CCDC171: variants seen among roughly 807,000 people sequenced by gnomAD.
CCDC171 encodes the protein coiled-coil domain containing 171.
CCDC171 carries 177 observed loss-of-function variants against 168.2 expected under a neutral mutation model. The ratio of observed to expected loss-of-function variants is 1.05; its 90% CI spans 0.93 to 1.19. CCDC171 has a LOEUF of 1.19. Ranked by LOEUF, CCDC171 falls within the 50% of genes most tolerant of loss-of-function variation. The pLI, the probability that CCDC171 is intolerant of heterozygous loss-of-function variation, is 0.00. For synonymous variants in CCDC171, 687 were observed against 540.8 expected (o/e 1.27, Z -3.75); for missense variants, 1,991 against 1,539.0 (o/e 1.29, Z -4.91).
At chr9:16,106,665 CTA>C in the CCDC171 span, among the ~76,000 whole-genome samples, 2 of 152,188 alleles carry the variant, frequency 1.3e-5, no homozygotes, top group African/African-American at 2.4e-5. Flanking sequence ...GATCTTCCGC[CTA>C]ACAAGGGATT....
At chr9:16,082,281 A>C in the CCDC171 span, among the ~76,000 whole-genome samples, 58 of 152,334 alleles carry the variant, frequency 3.8e-4, no homozygotes, top group African/African-American at 1.4e-3. Flanking sequence ...TATGCTATAA[A>C]ATGATTATTT....
chr9:15,763,532 G>A (rs1318897331), intron 18 of CCDC171, among the ~76,000 whole-genome samples: 1 of 152,138 alleles, frequency 6.6e-6, no homozygotes, highest in Admixed American at 6.5e-5. Context: ...ATCAGGTGTG[G>A]TCTGGGGCCA....
intron 21 of CCDC171, among the ~76,000 whole-genome samples, chr9:15,841,535 T>C (rs1222773309): frequency 3.3e-5 from 5 of 152,010 alleles, no homozygotes; most frequent in African/African-American, 1.2e-4. Context: ...TTTATAAATA[T>C]GTCACCTACT....
chr9:15,861,972 T>G (rs1002558784), intron 23 of CCDC171, among the ~76,000 whole-genome samples: 4 of 151,978 alleles, frequency 2.6e-5, no homozygotes, highest in African/African-American at 9.7e-5. Flanking sequence ...TTTTTATGTT[T>G]CCTTCATTTT....
intron 9 of CCDC171, among the ~76,000 whole-genome samples, chr9:15,673,600 G>T (rs1177939274): frequency 6.6e-6 from 1 of 152,172 alleles, no homozygotes; most frequent in African/African-American, 2.4e-5. Flanking sequence ...CATCTATTGA[G>T]ATAATCATGT....
chr9:15,872,506 C>G (rs979844152), intron 23 of CCDC171, among the ~76,000 whole-genome samples: 1 of 151,976 alleles, frequency 6.6e-6, no homozygotes, highest in Non-Finnish European at 1.5e-5. Context: ...TTTTTCCCCT[C>G]TCTTTGCCCG....
intron 4 of CCDC171, among the ~76,000 whole-genome samples, chr9:15,584,498 C>G (rs1485321211): frequency 6.6e-6 from 1 of 152,104 alleles, no homozygotes; most frequent in African/African-American, 2.4e-5. Context: ...GTATATGTTC[C>G]AATGTAATAA....
intron 16 of CCDC171, among the ~76,000 whole-genome samples, chr9:15,735,573 A>G (rs1168681083): frequency 1.3e-5 from 2 of 152,220 alleles, no homozygotes; most frequent in African/African-American, 2.4e-5. Flanking sequence ...CAGGTTCATC[A>G]TGCTATATTG....
rs561668249 is a variant in CCDC171, at chr9:15,665,969, C to A, written c.916-194C>A. On this transcript the variant is annotated intron_variant, in intron 8 of 25. Transcript: ENST00000380701. ...ACAGTTAACTCTTCATTCTTCTACT[C>A]TTTCTCCTTTCATTTAAACATATTG... Among the ~76,000 whole-genome samples the A allele has an allele frequency of 2.6e-5, 4 of 152,240 alleles. No homozygotes were observed. In the South Asian group the frequency reaches 6.2e-4, roughly 24 times the overall value.
chr9:15,829,677 T>G (rs2136219372), intron 21 of CCDC171, among the ~76,000 whole-genome samples: 1 of 152,280 alleles, frequency 6.6e-6, no homozygotes, highest in African/African-American at 2.4e-5. Flanking sequence ...CCCAGCACTT[T>G]GGGAGGCCGA....
At chr9:15,903,284 G>C (rs1319543596) in intron 24 of CCDC171, among the ~76,000 whole-genome samples, 2 of 152,154 alleles carry the variant, frequency 1.3e-5, no homozygotes, top group African/African-American at 4.8e-5. Context: ...CACCCCCCTA[G>C]TAGGGGCAGA....
At chr9:15,749,496 C>T (rs2055561824) in intron 18 of CCDC171, among the ~76,000 whole-genome samples, 1 of 152,160 alleles carries the variant, frequency 6.6e-6, no homozygotes, top group South Asian at 2.1e-4. Context: ...CAGAACTCTC[C>T]ACCCCAAATC....
chr9:15,797,853 C>T (rs2135728029), intron 21 of CCDC171, among the ~76,000 whole-genome samples: 1 of 152,042 alleles, frequency 6.6e-6, no homozygotes, highest in South Asian at 2.1e-4. Flanking sequence ...ATTTTCTTTC[C>T]AAATAAATAT....
intron 6 of CCDC171, among the ~76,000 whole-genome samples, chr9:15,606,647 C>T (rs559752460): frequency 3.3e-5 from 5 of 152,226 alleles, no homozygotes; most frequent in South Asian, 4.1e-4. Context: ...AGAATTGGAA[C>T]GGAACTGTAT....
At chr9:15,995,886 A>C (rs979751617) in intron 3 of CCDC171, among the ~76,000 whole-genome samples, 1 of 151,952 alleles carries the variant, frequency 6.6e-6, no homozygotes, top group African/African-American at 2.4e-5. Context: ...GGGTAGATCC[A>C]CTCTTTCAAT....
intron 1 of CCDC171, among the ~76,000 whole-genome samples, chr9:16,059,746 C>G (rs1833903280): frequency 6.6e-6 from 1 of 150,510 alleles, no homozygotes; most frequent in South Asian, 2.1e-4. Flanking sequence ...GATCGCCTGA[C>G]CTCATGATCC....
intron 24 of CCDC171, among the ~76,000 whole-genome samples, chr9:15,908,631 G>T (rs1185780716): frequency 6.6e-6 from 1 of 152,096 alleles, no homozygotes; most frequent in African/African-American, 2.4e-5. Context: ...TTGTGCACCT[G>T]TACCCTAAAA....
intron 11 of CCDC171, among the ~76,000 whole-genome samples, chr9:15,696,243 C>T (rs2051204679): frequency 6.6e-6 from 1 of 152,116 alleles, no homozygotes; most frequent in African/African-American, 2.4e-5. Context: ...AAGTTTTTGT[C>T]CTTGAAAACT....
In CCDC171 at chr9:15,827,876, C is replaced by G. The variant is rs554272627; in HGVS notation, c.3268-18826C>G. 5.3e-5 allele frequency among the ~76,000 whole-genome samples: 8 copies of G among 152,174 alleles called. No individual in the cohort carries two copies. In the South Asian group the frequency reaches 1.7e-3, roughly 32 times the overall value. ...TCTGAGCAACTCATGTTAGAATTCT[C>G]CATACCCGATCTGCTTTCCTCTGGG... On this transcript the variant is annotated intron_variant, in intron 21 of 25. Transcript: ENST00000380701.
Sources: allele counts gnomAD v4.1 joint callset (sites outside exome capture counted in the v4.1 genomes callset), GRCh38; gene constraint gnomAD v4.1.1; transcripts MANE v1.5; gene names NCBI Gene and HGNC (gene_info 2026-07-23, HGNC 2026-07-21).